PCIF1: variants seen among roughly 807,000 people sequenced by gnomAD.
PCIF1 encodes phosphorylated CTD interacting factor 1.
A neutral mutation model predicts 86.9 loss-of-function variants in PCIF1; 12 were observed. The ratio of observed to expected loss-of-function variants is 0.14; its 90% CI spans 0.09 to 0.22. The LOEUF is 0.22. Among genes scored for constraint, PCIF1 ranks in the 10% least tolerant of loss-of-function variants. The pLI is 1.00. For synonymous variants in PCIF1, 397 were observed against 372.0 expected (o/e 1.07, Z -0.77); for missense variants, 701 against 951.1 (o/e 0.74, Z 3.46).
At chr20:45,946,407 C>G in intron 14 of PCIF1, 23 bp downstream of exon 14, 2 of 1,607,962 alleles carry the variant, frequency 1.2e-6, no homozygotes, top group Non-Finnish European at 1.7e-6. Context: ...GGCTGCCCCT[C>G]TACCCAGGCC....
At chr20:45,944,615 A>G (rs2083504415) in intron 10 of PCIF1, among the ~76,000 whole-genome samples, 1 of 152,238 alleles carries the variant, frequency 6.6e-6, no homozygotes, top group African/African-American at 2.4e-5. Context: ...TATGCCAGGC[A>G]TTTGGCAAGC....
At position 45,943,866 on chromosome 20, in the gene PCIF1, G is replaced by C. The variant is rs2083498041; in HGVS notation, c.1005+101G>C. On this transcript the variant is annotated intron_variant, in intron 10 of 16. Coordinates refer to ENST00000372409, the MANE Select transcript of PCIF1 (RefSeq NM_022104.4). The surrounding 1 kb of genome is among the most constrained non-coding windows in gnomAD (Gnocchi z 5.5). ...TCCAGGCTGGGCAAGGCCTCCCCCAGCGGCCTATTCTTGTGCAGTATGGCA... is the reference window on the plus strand; with the variant it reads ...TCCAGGCTGGGCAAGGCCTCCCCCACCGGCCTATTCTTGTGCAGTATGGCA... 11 of 934,360 alleles carry C rather than the reference G, an allele frequency of 1.2e-5. No homozygotes were observed. Among genetic ancestry groups the C allele is most frequent in the Non-Finnish European group, 1.8e-5 (11 of 606,856 alleles). The allele number at this position is 934,360 out of a possible 1,614,324, so 57.9% of individuals were successfully genotyped here.
intron 1 of PCIF1, among the ~76,000 whole-genome samples, chr20:45,935,400 A>T (rs2083415159): frequency 6.6e-6 from 1 of 152,122 alleles, no homozygotes; most frequent in African/African-American, 2.4e-5. Context: ...AGAGTTGTTT[A>T]TCCTTGAGCA....
intron 7 of PCIF1, among the ~76,000 whole-genome samples, chr20:45,942,788 T>TTTTTTC (rs745379436): frequency 2.1e-5 from 3 of 140,812 alleles, no homozygotes; most frequent in Non-Finnish European, 4.7e-5. Flanking sequence ...TTTTTTTTTT[T>TTTTTTC]TTTTTGTAGA....
At position 45,943,904 on chromosome 20, in the gene PCIF1, T is replaced by C. The variant is rs543053587; in HGVS notation, c.1005+139T>C. 6.3e-6 allele frequency: 4 copies of C among 630,526 alleles called. No individual in the cohort carries two copies. Among genetic ancestry groups the C allele is most frequent in the Non-Finnish European group, 1.1e-5 (4 of 359,694 alleles). The allele number at this position is 630,526 out of a possible 1,614,324, so 39.1% of individuals were successfully genotyped here. On this transcript the variant is annotated intron_variant, in intron 10 of 16. Transcript: ENST00000372409. The surrounding 1 kb of genome is among the most constrained non-coding windows in gnomAD (Gnocchi z 5.5). ...GTGCAGTATGGCAGACGTTCGACAT[T>C]CGTCAGTCCCCAAACTCATGACTGT...
chr20:45,936,597 C>T lies in PCIF1; in HGVS notation c.-187-821C>T, dbSNP rs190535801. Among the ~76,000 whole-genome samples, 27 of 151,822 alleles carry T rather than the reference C, an allele frequency of 1.8e-4. No homozygotes were observed. In the East Asian group the frequency reaches 4.3e-3, roughly 24 times the overall value. ...AACTCCTGGGCTCAAGTGACCCTTCCACCTCAGCCTCCTGAGTAGCTGGGA... is the reference window on the plus strand; with the variant it reads ...AACTCCTGGGCTCAAGTGACCCTTCTACCTCAGCCTCCTGAGTAGCTGGGA... On this transcript the variant is annotated intron_variant, in intron 1 of 16. Transcript: ENST00000372409.
In PCIF1 at chr20:45,943,984, T is replaced by C. The variant is rs1434440529; in HGVS notation, c.1005+219T>C. ...TCCCACAGAACATTTCCATTAACAA[T>C]CTTAATGGAGTCTTATGCTTGGCCA... On this transcript the variant is annotated intron_variant, in intron 10 of 16. Coordinates refer to ENST00000372409, the MANE Select transcript of PCIF1 (RefSeq NM_022104.4). This position sits in a 1 kb window ranked among gnomAD's most constrained non-coding sequence, Gnocchi z 5.5. Among the ~76,000 whole-genome samples the C allele has an allele frequency of 6.6e-6, 1 of 152,074 alleles. No individual in the cohort carries two copies. Among genetic ancestry groups the C allele is most frequent in the East Asian group, 1.9e-4 (1 of 5,188 alleles).
At chr20:45,937,217 C>T (rs932984770) in intron 1 of PCIF1, among the ~76,000 whole-genome samples, 1 of 152,172 alleles carries the variant, frequency 6.6e-6, no homozygotes, top group Admixed American at 6.5e-5. Context: ...CCTGTGCAGC[C>T]GTGCAGGTCA....
At position 45,939,073 on chromosome 20, in the gene PCIF1, A is replaced by G; in HGVS notation, c.74A>G (p.Gln25Arg). 6.2e-7 allele frequency: 1 copy of G among 1,614,044 alleles called. No individual in the cohort carries two copies. The highest frequency in any genetic ancestry group is 1.1e-5 in the South Asian group (1 of 91,072). The change falls in exon 3 of 17, where the codon CAG becomes CGG. Residue 25 changes from glutamine (Q) to arginine (R), a missense_variant. By Grantham distance (43) the Gln-to-Arg change is conservative. Coordinates refer to ENST00000372409, the MANE Select transcript of PCIF1 (RefSeq NM_022104.4). ...AGTCACTCCCCAGGTACCTCCAATC[A>G]GAGCCAGCCCTGTTCTCCAAAGCCA... ...LLSHSPGTSN[Q>R]SQPCSPKPIR...
rs750251000 is a variant in PCIF1, at chr20:45,945,722, G to A, written c.1180G>A (p.Ala394Thr). Reference protein sequence around the residue: ...KENNISEEVEAPEVEPRLVYC... With the variant: ...KENNISEEVETPEVEPRLVYC... ...CTCCCTGCCCACAGAGGAGGTGGAG[G>A]CCCCTGAGGTGGAGCCCCGCCTAGT... The change falls in exon 12 of 17, where the codon GCC becomes ACC. Residue 394 changes from alanine (A) to threonine (T), a missense_variant. Coordinates refer to ENST00000372409, the MANE Select transcript of PCIF1 (RefSeq NM_022104.4). 4 of 1,612,840 alleles carry A rather than the reference G, an allele frequency of 2.5e-6. No homozygotes were observed. Among genetic ancestry groups the A allele is most frequent in the Middle Eastern group, 1.7e-4 (1 of 6,044 alleles).
At position 45,943,536 on chromosome 20, in the gene PCIF1, G is replaced by A. The variant is rs1486195981; in HGVS notation, c.905+113G>A. ...TCATTGCTCTCGGTGGCAGAAGTGG[G>A]GCCAGCTCCCAAAGGCAGAACAAGG... is the stretch of plus-strand genomic sequence containing the variant. On this transcript the variant is annotated intron_variant, in intron 9 of 16. Coordinates refer to ENST00000372409, the MANE Select transcript of PCIF1 (RefSeq NM_022104.4). This position sits in a 1 kb window ranked among gnomAD's most constrained non-coding sequence, Gnocchi z 5.5. 2 of 1,342,724 alleles carry A rather than the reference G, an allele frequency of 1.5e-6. No homozygotes were observed. Among genetic ancestry groups the A allele is most frequent in the African/African-American group, 1.5e-5 (1 of 67,702 alleles). The allele number at this position is 1,342,724 out of a possible 1,614,324, so 83.2% of individuals were successfully genotyped here. A position where few individuals can be genotyped will look rare whatever the true frequency, so the allele number is the denominator to read the frequency against.
chr20:45,943,637 C>T lies in PCIF1; in HGVS notation c.906-29C>T, dbSNP rs1396214320. 12 of 1,547,448 alleles carry T rather than the reference C, an allele frequency of 7.8e-6. No homozygotes were observed. The East Asian group carries it at 9.7e-5, about 13-fold the overall frequency. Reference sequence around the variant, plus strand: ...TGAGGAGGGTGGAGCCAAGCCATTCCTTTCTTCTGCCCTCCCCTTGACTGG... The same window carrying T: ...TGAGGAGGGTGGAGCCAAGCCATTCTTTTCTTCTGCCCTCCCCTTGACTGG... On this transcript the variant is annotated intron_variant, in intron 9 of 16. Coordinates refer to ENST00000372409, the MANE Select transcript of PCIF1 (RefSeq NM_022104.4). The surrounding 1 kb of genome is among the most constrained non-coding windows in gnomAD (Gnocchi z 5.5).
intron 3 of PCIF1, 43 bp downstream of exon 3, chr20:45,939,166 C>T (rs1475439735): frequency 6.2e-7 from 1 of 1,614,008 alleles, no homozygotes; most frequent in South Asian, 1.1e-5. Flanking sequence ...GTAGGAAGGG[C>T]ACCCTGGGAG....
chr20:45,941,545 C>T (rs1600504697), intron 7 of PCIF1, among the ~76,000 whole-genome samples: 1 of 152,322 alleles, frequency 6.6e-6, no homozygotes, highest in South Asian at 2.1e-4. Flanking sequence ...CATCCTCCTC[C>T]TGGGTCCCGG....
rs1229353959 is a variant in PCIF1, at chr20:45,937,690, C to T, written c.-20+105C>T. On this transcript the variant is annotated intron_variant, in intron 2 of 16. Transcript: ENST00000372409. ...AGAATCAAGGCAGCTTCATTTTTTT[C>T]GTACCTTGGTCAGTGGTTCTCAACC... 11 of 397,896 alleles carry T rather than the reference C, an allele frequency of 2.8e-5. No individual in the cohort carries two copies. The Admixed American group carries it at 3.5e-4, about 13-fold the overall frequency. The allele number at this position is 397,896 out of a possible 1,614,324, so 24.6% of individuals were successfully genotyped here. A position where few individuals can be genotyped will look rare whatever the true frequency, so the allele number is the denominator to read the frequency against.
At chr20:45,940,444 G>A (rs1467101185) in intron 4 of PCIF1, 31 bp from the exon 5 acceptor site, 2 of 1,567,328 alleles carry the variant, frequency 1.3e-6, no homozygotes, top group African/African-American at 1.4e-5. Flanking sequence ...CGCTGGCCCT[G>A]GTTGCAACTC....
In PCIF1 at chr20:45,934,713, G is replaced by C. The variant is rs1433597933; in HGVS notation, c.-279G>C. On this transcript the variant is annotated 5_prime_UTR_variant, in exon 1 of 17. Coordinates refer to ENST00000372409, the MANE Select transcript of PCIF1 (RefSeq NM_022104.4). ...GTCCCGGCCCGGGACACAAGATGGC[G>C]GCAGCGGCGCTGGGGAGGGCGAGGC... 1 of 398,738 alleles carries C rather than the reference G, an allele frequency of 2.5e-6. No homozygotes were observed. The highest frequency in any genetic ancestry group is 4.4e-6 in the Non-Finnish European group (1 of 225,966). 24.7% of individuals were successfully genotyped at this position (398,738 alleles called of 1,614,324 possible).
intron 14 of PCIF1, 79 bp downstream of exon 14, chr20:45,946,463 AGT>A: frequency 1.3e-6 from 2 of 1,508,306 alleles, no homozygotes; most frequent in South Asian, 2.4e-5. Flanking sequence ...TGCTGGCTGT[AGT>A]GTCAGGCAGG....
At position 45,945,780 on chromosome 20, in the gene PCIF1, C is replaced by T; in HGVS notation, c.1238C>T (p.Ala413Val). ...TACCCAGTCCGGCTGGCTGTGTCTG[C>T]ACCGCCCATGCCCAGCGTGGAGATG... Reference protein sequence around the residue: ...YCYPVRLAVSAPPMPSVEMHM... With the variant: ...YCYPVRLAVSVPPMPSVEMHM... The change falls in exon 12 of 17, where the codon GCA becomes GTA. Residue 413 changes from alanine (A) to valine (V), a missense_variant. Coordinates refer to ENST00000372409, the MANE Select transcript of PCIF1 (RefSeq NM_022104.4). The T allele has an allele frequency of 6.2e-7, 1 of 1,613,958 alleles. No individual in the cohort carries two copies. Among genetic ancestry groups the T allele is most frequent in the South Asian group, 1.1e-5 (1 of 91,084 alleles).
Sources: gnomAD v4.1 joint callset for allele counts (sites outside exome capture counted in the v4.1 genomes callset) on GRCh38, gnomAD v4.1.1 for gene constraint, Gnocchi (gnomAD v3.1) non-coding constraint, MANE v1.5 for transcripts, NCBI Gene and HGNC (gene_info 2026-07-23, HGNC 2026-07-21) for gene names.